GABBR2: variants seen among roughly 807,000 people sequenced by gnomAD.
GABBR2 encodes the protein gamma-aminobutyric acid type B receptor subunit 2.
GABBR2 carries 23 observed loss-of-function variants against 105.6 expected under a neutral mutation model. That is an observed-to-expected ratio of 0.22 (90% CI 0.16 to 0.31). The LOEUF (loss-of-function observed/expected upper bound fraction) is 0.31. Among genes scored for constraint, GABBR2 ranks in the 10% least tolerant of loss-of-function variants. The probability of loss-of-function intolerance (pLI) is 1.00; values close to 1 mark genes in which losing one functional copy is unlikely to be tolerated. For missense variants in GABBR2, 734 were observed against 1,245.5 expected, an observed-to-expected ratio of 0.59 and a Z score of 6.18; for synonymous variants, 478 against 499.7, an observed-to-expected ratio of 0.96 and a Z score of 0.58.
At chr9:98,387,249 CA>C (rs1832089777) in intron 10 of GABBR2, among the ~76,000 whole-genome samples, 4 of 152,124 alleles carry the variant, frequency 2.6e-5, no homozygotes, top group African/African-American at 7.2e-5. Context: ...CAAAACAAAA[CA>C]AAAAACTTCA....
chr9:98,548,437 T>C (rs1252324535), intron 2 of GABBR2, among the ~76,000 whole-genome samples: 2 of 117,194 alleles, frequency 1.7e-5, no homozygotes, highest in Non-Finnish European at 3.8e-5. Flanking sequence ...CTTCCTGCAC[T>C]GCTGCTAGGG....
intron 3 of GABBR2, among the ~76,000 whole-genome samples, chr9:98,538,097 T>C (rs1828216139): frequency 6.6e-6 from 1 of 152,206 alleles, no homozygotes; most frequent in African/African-American, 2.4e-5. Flanking sequence ...GAGAAGCAAA[T>C]GGCTATTTAG....
At chr9:98,457,892 C>T (rs1016223365) in intron 6 of GABBR2, among the ~76,000 whole-genome samples, 1 of 152,292 alleles carries the variant, frequency 6.6e-6, no homozygotes, top group Middle Eastern at 3.4e-3. Context: ...TTTCTTCCAT[C>T]GTAAAGCTGA....
At chr9:98,411,569 T>TG (rs1564057283) in intron 7 of GABBR2, among the ~76,000 whole-genome samples, 1 of 151,700 alleles carries the variant, frequency 6.6e-6, no homozygotes, top group Admixed American at 6.6e-5. Flanking sequence ...ATTTTTTTTT[T>TG]GTTTTGTTTT....
At chr9:98,377,154 C>T (rs1831889451) in intron 11 of GABBR2, among the ~76,000 whole-genome samples, 1 of 152,020 alleles carries the variant, frequency 6.6e-6, no homozygotes, top group South Asian at 2.1e-4. Context: ...CCCCACAACC[C>T]CAGAAGGTGC....
At chr9:98,502,452 C>T (rs1827421174) in intron 3 of GABBR2, among the ~76,000 whole-genome samples, 1 of 152,192 alleles carries the variant, frequency 6.6e-6, no homozygotes, top group African/African-American at 2.4e-5. Context: ...ATCACCCAGC[C>T]TTGGGTTTAT....
chr9:98,543,587 A>G (rs950473023), intron 2 of GABBR2, among the ~76,000 whole-genome samples: 1 of 151,206 alleles, frequency 6.6e-6, no homozygotes, highest in African/African-American at 2.4e-5. Flanking sequence ...CTGGTTTTGA[A>G]CCCCTGGGCT....
In GABBR2 at chr9:98,706,220, T is replaced by C. The variant is rs12344587; in HGVS notation, c.321+2197A>G. On this transcript the variant is annotated intron_variant, in intron 1 of 18. Coordinates refer to ENST00000259455, the MANE Select transcript of GABBR2 (RefSeq NM_005458.8). Reference sequence around the variant, plus strand: ...CCGCTGAGCCTGCCAGCTCAGGGCATCTTCTACCCTGGCCTGTTATCTTCC... The same window carrying C: ...CCGCTGAGCCTGCCAGCTCAGGGCACCTTCTACCCTGGCCTGTTATCTTCC... 7.0e-3 allele frequency among the ~76,000 whole-genome samples: 1,070 copies of C among 152,072 alleles called. 17 individuals carry two copies. The highest frequency in any genetic ancestry group is 0.024 in the African/African-American group (1,010 of 41,468).
At chr9:98,351,571 C>G (rs112865524) in intron 13 of GABBR2, among the ~76,000 whole-genome samples, 31 of 152,232 alleles carry the variant, frequency 2.0e-4, no homozygotes, top group African/African-American at 7.0e-4. Context: ...TTTAGAAATT[C>G]TTTCTTTTGC....
At chr9:98,294,250 T>C (rs1225620408) in intron 17 of GABBR2, among the ~76,000 whole-genome samples, 1 of 152,056 alleles carries the variant, frequency 6.6e-6, no homozygotes, top group African/African-American at 2.4e-5. Flanking sequence ...CATAGGGATG[T>C]AAGACAAAGA....
intron 4 of GABBR2, among the ~76,000 whole-genome samples, chr9:98,486,872 C>A (rs1413707847): frequency 1.3e-5 from 2 of 152,126 alleles, no homozygotes; most frequent in Non-Finnish European, 2.9e-5. Flanking sequence ...ACAAACTGAT[C>A]CCATACCCAC....
At chr9:98,349,595 C>A (rs938931907) in intron 13 of GABBR2, among the ~76,000 whole-genome samples, 1 of 151,982 alleles carries the variant, frequency 6.6e-6, no homozygotes, top group Non-Finnish European at 1.5e-5. Flanking sequence ...ACCTCGTGAT[C>A]CGCCTTCCCT....
At chr9:98,636,362 G>A (rs920050277) in intron 1 of GABBR2, among the ~76,000 whole-genome samples, 17 of 152,188 alleles carry the variant, frequency 1.1e-4, no homozygotes, top group Admixed American at 2.6e-4. Context: ...CAGGGTGAGC[G>A]CACTTGGGGT....
chr9:98,386,292 C>T (rs1293527465), intron 10 of GABBR2, among the ~76,000 whole-genome samples: 1 of 151,374 alleles, frequency 6.6e-6, no homozygotes, highest in African/African-American at 2.4e-5. Context: ...GCCACGTTCC[C>T]CACAGTGAGG....
At chr9:98,506,921 G>T (rs1429476355) in intron 3 of GABBR2, among the ~76,000 whole-genome samples, 4 of 152,152 alleles carry the variant, frequency 2.6e-5, no homozygotes, top group Admixed American at 2.6e-4. Flanking sequence ...AAGTCCTCCA[G>T]AGGGAGGGCA....
chr9:98,449,490 A>C (rs1588167316), intron 7 of GABBR2, among the ~76,000 whole-genome samples: 4 of 152,260 alleles, frequency 2.6e-5, no homozygotes, highest in Admixed American at 6.5e-5. Context: ...TTGCTATTTA[A>C]GAATCTCTCA....
At chr9:98,599,632 C>T (rs1829295142) in intron 1 of GABBR2, among the ~76,000 whole-genome samples, 1 of 152,244 alleles carries the variant, frequency 6.6e-6, no homozygotes, top group Non-Finnish European at 1.5e-5. Context: ...CATGTGGCCC[C>T]AGGCCCCTCA....
intron 6 of GABBR2, among the ~76,000 whole-genome samples, chr9:98,462,714 T>C (rs575123976): frequency 6.6e-6 from 1 of 152,294 alleles, no homozygotes; most frequent in Admixed American, 6.5e-5. Flanking sequence ...GATGTGTAAA[T>C]TGGTATAACC....
chr9:98,366,034 G>A (rs1166417342), intron 12 of GABBR2, among the ~76,000 whole-genome samples: 3 of 152,230 alleles, frequency 2.0e-5, no homozygotes, highest in Non-Finnish European at 4.4e-5. Context: ...AAGGCACCCA[G>A]TAATGATTAA....
Sources: allele counts gnomAD v4.1 joint callset (sites outside exome capture counted in the v4.1 genomes callset), GRCh38; gene constraint gnomAD v4.1.1; transcripts MANE v1.5; gene names NCBI Gene and HGNC (gene_info 2026-07-23, HGNC 2026-07-21).